The following CFAP20 variants were observed in gnomAD, a reference collection of about 807,000 sequenced individuals.
CFAP20 encodes cilia- and flagella-associated protein 20.
A neutral mutation model predicts 25.5 loss-of-function variants in CFAP20; 14 were observed. The ratio of observed to expected loss-of-function variants is 0.55; its 90% CI spans 0.36 to 0.86. CFAP20 has a LOEUF of 0.86. CFAP20 is among the 40% of genes least tolerant of loss of function. The pLI is 0.01. For missense variants in CFAP20, 181 were observed against 248.0 expected (o/e 0.73, Z 1.81); for synonymous variants, 75 against 91.1 (o/e 0.82, Z 1.01).
intron 1 of CFAP20, among the ~76,000 whole-genome samples, chr16:58,120,586 A>G (rs1960522091): frequency 1.3e-5 from 2 of 152,232 alleles, no homozygotes; most frequent in African/African-American, 4.8e-5. Flanking sequence ...ACAGAAGCCA[A>G]TGCAGGCTGG....
At position 58,129,172 on chromosome 16, in the gene CFAP20, A is replaced by G; in HGVS notation, c.-57T>C. 1 of 1,584,488 alleles carries G rather than the reference A, an allele frequency of 6.3e-7. No individual in the cohort carries two copies. The highest frequency in any genetic ancestry group is 8.6e-7 in the Non-Finnish European group (1 of 1,159,902). ...GGAGCCGACCTAGGCCCCGGAGTAGATACAGGCACCGAGCGTCGAGGGCAC... is the reference window on the plus strand; with the variant it reads ...GGAGCCGACCTAGGCCCCGGAGTAGGTACAGGCACCGAGCGTCGAGGGCAC... On this transcript the variant is annotated 5_prime_UTR_variant, in exon 1 of 6. Coordinates refer to ENST00000262498, the MANE Select transcript of CFAP20 (RefSeq NM_013242.3).
intron 1 of CFAP20, among the ~76,000 whole-genome samples, chr16:58,124,133 G>T (rs1053292346): frequency 2.0e-5 from 3 of 152,186 alleles, no homozygotes; most frequent in African/African-American, 7.2e-5. Flanking sequence ...GTCCCGCCTG[G>T]AGAACAAGTG....
chr16:58,121,904 C>T (rs1960539528), intron 1 of CFAP20, among the ~76,000 whole-genome samples: 1 of 152,224 alleles, frequency 6.6e-6, no homozygotes, highest in South Asian at 2.1e-4. Context: ...ATTCCCTCCC[C>T]CAACTTTCAT....
Position 58,115,304 on chromosome 16 carries a change from A to G in CFAP20, c.430T>C (p.Tyr144His). 1 of 1,614,200 alleles carries G rather than the reference A, an allele frequency of 6.2e-7. No individual in the cohort carries two copies. The highest frequency in any genetic ancestry group is 1.1e-5 in the South Asian group (1 of 91,080). The change falls in exon 4 of 6, where the codon TAC (tyrosine) becomes CAC (histidine). Residue 144 changes from tyrosine (Y) to histidine (H), a missense_variant. Physicochemically the swap from Tyr to His is moderately conservative, Grantham distance 83 (BLOSUM62 2). Transcript: ENST00000262498. ...AGGGTCTCGATGTAATTGGTGCCGT[A>G]TGCTCGCCGTGTGAAGTCTAGCAAG... Reference protein sequence around the residue: ...FNLLDFTRRAYGTNYIETLRV... With the variant: ...FNLLDFTRRAHGTNYIETLRV...
chr16:58,126,589 T>C (rs1960616345), intron 1 of CFAP20, among the ~76,000 whole-genome samples: 1 of 152,216 alleles, frequency 6.6e-6, no homozygotes, highest in Non-Finnish European at 1.5e-5. Context: ...ACAGTCAATA[T>C]ATACCTACTG....
chr16:58,128,885 G>C (rs1335355885), intron 1 of CFAP20, 147 bp downstream of exon 1: 2 of 268,658 alleles, frequency 7.4e-6, no homozygotes, highest in African/African-American at 4.5e-5. Context: ...TCGCGCCCCA[G>C]TCCCGCCAGG....
rs772004271 is a variant in CFAP20 at position 58,116,170 on chromosome 16, A to G, written c.165-18T>C. On this transcript the variant is annotated intron_variant, in intron 2 of 5. Coordinates refer to ENST00000262498, the MANE Select transcript of CFAP20 (RefSeq NM_013242.3). ...ATGTGGTGCTGTAGAGAGAGGAAAT[A>G]CTAATAAACACACTCCTGGACTCTC... 9 of 1,524,816 alleles carry G rather than the reference A, an allele frequency of 5.9e-6. No homozygotes were observed. The highest frequency in any genetic ancestry group is 1.4e-5 in the African/African-American group (1 of 72,928). The allele number at this position is 1,524,816 out of a possible 1,614,324, so 94.5% of individuals were successfully genotyped here. A position where few individuals can be genotyped will look rare whatever the true frequency, so the allele number is the denominator to read the frequency against.
chr16:58,116,602 T>C (rs1205732283), intron 2 of CFAP20: 3 of 491,454 alleles, frequency 6.1e-6, no homozygotes, highest in Non-Finnish European at 1.1e-5. Context: ...GTGCTTACTA[T>C]GTGCTAAGCA....
chr16:58,122,134 C>T (rs974102231), intron 1 of CFAP20, among the ~76,000 whole-genome samples: 4 of 152,210 alleles, frequency 2.6e-5, no homozygotes, highest in African/African-American at 7.2e-5. Flanking sequence ...CTCAGACTCC[C>T]AGGCTCCAAG....
intron 1 of CFAP20, among the ~76,000 whole-genome samples, chr16:58,123,899 A>G (rs907977581): frequency 1.5e-4 from 23 of 152,326 alleles, no homozygotes; most frequent in African/African-American, 5.3e-4. Flanking sequence ...GTGATAAGAA[A>G]GAAGTAAATT....
At chr16:58,122,572 ACT>A (rs1248574511) in intron 1 of CFAP20, among the ~76,000 whole-genome samples, 1 of 151,904 alleles carries the variant, frequency 6.6e-6, no homozygotes, top group Non-Finnish European at 1.5e-5. Flanking sequence ...ACAGAGCGAG[ACT>A]CTGTTTCAAA....
intron 1 of CFAP20, among the ~76,000 whole-genome samples, chr16:58,117,667 T>G (rs1336623288): frequency 6.6e-6 from 1 of 152,086 alleles, no homozygotes; most frequent in African/African-American, 2.4e-5. Flanking sequence ...ACTCCTGACC[T>G]TGTGATCCAC....
rs555532761 is a variant in CFAP20 at position 58,128,983 on chromosome 16, G to A, written c.84+49C>T. Reference sequence around the variant, plus strand: ...TCCCCGTCCCCAGCCCCCGGACGAGGAGGGGGTGCAGCCCCTCCACCCCGC... The same window carrying A: ...TCCCCGTCCCCAGCCCCCGGACGAGAAGGGGGTGCAGCCCCTCCACCCCGC... On this transcript the variant is annotated intron_variant, in intron 1 of 5. Transcript: ENST00000262498. The A allele has an allele frequency of 2.7e-5, 42 of 1,577,322 alleles. 1 individual carries two copies. The South Asian group carries it at 4.4e-4, about 16-fold the overall frequency.
chr16:58,125,474 T>C (rs142706410), intron 1 of CFAP20, among the ~76,000 whole-genome samples: 3 of 152,082 alleles, frequency 2.0e-5, no homozygotes, highest in African/African-American at 7.2e-5. Flanking sequence ...TGCTTGAGCA[T>C]AGGAATTCAA....
chr16:58,119,807 T>G (rs182136503), intron 1 of CFAP20, among the ~76,000 whole-genome samples: 1 of 150,916 alleles, frequency 6.6e-6, no homozygotes, highest in African/African-American at 2.4e-5. Context: ...TCACTCGCCA[T>G]CTACTGTTCC....
chr16:58,129,122 G>A lies in CFAP20; in HGVS notation c.-7C>T. 5 of 1,613,346 alleles carry A rather than the reference G, an allele frequency of 3.1e-6. No homozygotes were observed. Among genetic ancestry groups the A allele is most frequent in the South Asian group, 2.2e-5 (2 of 91,038 alleles). On this transcript the variant is annotated 5_prime_UTR_variant, in exon 1 of 6. Transcript: ENST00000262498. ...GGAACGTGTTTTTGAACATCTCGCC[G>A]GCGGCCTTCTCCTAAGCCGCCCCCG...
chr16:58,127,366 C>G (rs1294850114), intron 1 of CFAP20, among the ~76,000 whole-genome samples: 1 of 152,234 alleles, frequency 6.6e-6, no homozygotes, highest in African/African-American at 2.4e-5. Context: ...CTGAAAACCT[C>G]TCCTCCTAGG....
intron 1 of CFAP20, 35 bp downstream of exon 1, chr16:58,128,997 C>A: frequency 6.3e-7 from 1 of 1,591,326 alleles, no homozygotes; most frequent in Non-Finnish European, 8.6e-7. Flanking sequence ...GGGTGCAGCC[C>A]CTCCACCCCG....
intron 5 of CFAP20, 129 bp from the exon 6 acceptor site, chr16:58,114,159 A>G (rs556249691): frequency 2.0e-6 from 2 of 995,144 alleles, no homozygotes; most frequent in Non-Finnish European, 1.6e-6. Context: ...ACACATCTGC[A>G]GCACACAGGC....
Sources: allele counts gnomAD v4.1 joint callset (sites outside exome capture counted in the v4.1 genomes callset), GRCh38; gene constraint gnomAD v4.1.1; transcripts MANE v1.5; gene names NCBI Gene and HGNC (gene_info 2026-07-23, HGNC 2026-07-21).